The following GUCY2C variants were observed in gnomAD, a reference collection of about 807,000 sequenced individuals.
GUCY2C encodes guanylate cyclase 2C.
Under a neutral mutation model 131.1 loss-of-function variants are expected in GUCY2C, and 118 were observed. The ratio of observed to expected loss-of-function variants is 0.90; its 90% CI spans 0.78 to 1.05. GUCY2C has a LOEUF of 1.05. Among genes scored for constraint, GUCY2C ranks in the 50% least tolerant of loss-of-function variants. The probability of loss-of-function intolerance (pLI) is 0.00; values close to 1 mark genes in which losing one functional copy is unlikely to be tolerated. For synonymous variants in GUCY2C, 452 were observed against 457.8 expected (o/e 0.99, Z 0.16); for missense variants, 1,161 against 1,304.4 (o/e 0.89, Z 1.69).
intron 12 of GUCY2C, 73 bp downstream of exon 12, chr12:14,656,439 T>C (rs1947764708): frequency 2.6e-6 from 2 of 757,852 alleles, no homozygotes; most frequent in Non-Finnish European, 4.8e-6. Flanking sequence ...GCACATATCC[T>C]GCAATGCTAC....
In GUCY2C at chr12:14,669,808, G is replaced by T. The variant is rs1159423242; in HGVS notation, c.1196C>A (p.Thr399Asn). 1 of 1,586,076 alleles carries T rather than the reference G, an allele frequency of 6.3e-7. No individual in the cohort carries two copies. Among genetic ancestry groups the T allele is most frequent in the Non-Finnish European group, 8.6e-7 (1 of 1,158,224 alleles). ...KKYKVLLTYD[T>N]HVNKTYPVDM... ...CACAGGATAGGTCTTATTTACGTGG[G>T]TATCATAGGTCAAAAGAACCTTGTA... is the stretch of plus-strand genomic sequence containing the variant. The change falls in exon 10 of 27, where the codon ACC becomes AAC. Residue 399 changes from threonine to asparagine, a missense_variant. Physicochemically the swap from Thr to Asn is moderately conservative, Grantham distance 65. Coordinates refer to ENST00000261170, the MANE Select transcript of GUCY2C (RefSeq NM_004963.4).
At chr12:14,693,514 G>A (rs1042886883) in intron 1 of GUCY2C, among the ~76,000 whole-genome samples, 1 of 151,912 alleles carries the variant, frequency 6.6e-6, no homozygotes, top group African/African-American at 2.4e-5. Flanking sequence ...CACATATAAC[G>A]CTTGAACTTT....
At chr12:14,668,045 C>T (rs1948019788) in intron 10 of GUCY2C, among the ~76,000 whole-genome samples, 1 of 142,464 alleles carries the variant, frequency 7.0e-6, no homozygotes, top group Non-Finnish European at 1.5e-5. Context: ...GCTCTGTCAT[C>T]CAGGCTGGAG....
chr12:14,630,976 G>A (rs946782467), intron 19 of GUCY2C, among the ~76,000 whole-genome samples: 1 of 152,130 alleles, frequency 6.6e-6, no homozygotes, highest in African/African-American at 2.4e-5. Flanking sequence ...CGGAAAAGCA[G>A]GACGAAAGAA....
At chr12:14,658,433 T>A (rs1158141442) in intron 11 of GUCY2C, among the ~76,000 whole-genome samples, 1 of 152,214 alleles carries the variant, frequency 6.6e-6, no homozygotes, top group East Asian at 1.9e-4. Context: ...TCCCAGTACA[T>A]TGGGAGGCCA....
chr12:14,615,210 C>T (rs1356151449), intron 25 of GUCY2C, among the ~76,000 whole-genome samples: 1 of 152,064 alleles, frequency 6.6e-6, no homozygotes, highest in Non-Finnish European at 1.5e-5. Context: ...CCCCAAAAGA[C>T]ATTTTAAAAT....
chr12:14,695,805 A>G (rs1948645708), intron 1 of GUCY2C, among the ~76,000 whole-genome samples: 1 of 152,036 alleles, frequency 6.6e-6, no homozygotes, highest in African/African-American at 2.4e-5. Flanking sequence ...GAACCGGGCA[A>G]TAAACTGAGT....
intron 13 of GUCY2C, 126 bp from the exon 14 acceptor site, chr12:14,652,156 A>ATT: frequency 8.7e-6 from 2 of 228,732 alleles, no homozygotes; most frequent in Non-Finnish European, 8.0e-6. Flanking sequence ...TATTTGATTG[A>ATT]TTTTTTATAT....
chr12:14,621,344 C>T, intron 22 of GUCY2C, 128 bp from the exon 23 acceptor site: 1 of 777,432 alleles, frequency 1.3e-6, no homozygotes, highest in Non-Finnish European at 2.1e-6. Flanking sequence ...GCCCTTTACA[C>T]TTTTTCTGGG....
intron 19 of GUCY2C, among the ~76,000 whole-genome samples, chr12:14,634,464 C>T (rs1947218422): frequency 6.6e-6 from 1 of 152,096 alleles, no homozygotes; most frequent in Non-Finnish European, 1.5e-5. Context: ...ACTAGTAAAG[C>T]AATCACACAA....
At chr12:14,626,657 G>T (rs1475067924) in intron 20 of GUCY2C, among the ~76,000 whole-genome samples, 3 of 151,886 alleles carry the variant, frequency 2.0e-5, no homozygotes, top group Non-Finnish European at 4.4e-5. Flanking sequence ...AAATATGATG[G>T]GACAATGGAA....
chr12:14,645,840 T>G (rs966988973), intron 15 of GUCY2C, among the ~76,000 whole-genome samples: 35 of 152,036 alleles, frequency 2.3e-4, no homozygotes, highest in South Asian at 4.1e-4. Flanking sequence ...TTTTTTTTGT[T>G]TTGTTTTGTT....
intron 21 of GUCY2C, among the ~76,000 whole-genome samples, chr12:14,623,837 C>T (rs942386080): frequency 2.0e-5 from 3 of 152,156 alleles, no homozygotes; most frequent in African/African-American, 7.2e-5. Flanking sequence ...CTTGCTTCCC[C>T]TTCACTCTTC....
chr12:14,640,747 T>C (rs1284120219), intron 18 of GUCY2C, among the ~76,000 whole-genome samples: 2 of 152,208 alleles, frequency 1.3e-5, no homozygotes, highest in Non-Finnish European at 2.9e-5. Flanking sequence ...AACTAAAATA[T>C]GTATGTCATC....
At chr12:14,615,638 T>C (rs902618582) in intron 25 of GUCY2C, among the ~76,000 whole-genome samples, 2 of 149,400 alleles carry the variant, frequency 1.3e-5, no homozygotes, top group Admixed American at 1.3e-4. Context: ...GATTGATATA[T>C]ATATATATAT....
At chr12:14,640,157 G>A (rs1405609946) in intron 18 of GUCY2C, among the ~76,000 whole-genome samples, 1 of 152,090 alleles carries the variant, frequency 6.6e-6, no homozygotes. Context: ...ATAACCAGAA[G>A]GTTACCTTAA....
intron 10 of GUCY2C, among the ~76,000 whole-genome samples, chr12:14,663,629 G>A (rs7310891): frequency 0.82 from 125,456 of 152,160 alleles, 56,597 homozygotes; most frequent in East Asian, 0.99. Context: ...TAGGTGCCCC[G>A]AAAATGAGGT....
intron 16 of GUCY2C, 67 bp downstream of exon 16, chr12:14,645,162 G>T: frequency 1.2e-6 from 1 of 854,582 alleles, no homozygotes. Context: ...ACAGAAGGTT[G>T]AATAACTTGT....
Position 14,679,791 on chromosome 12 carries a change from C to T in GUCY2C, c.734-38G>A, listed in dbSNP as rs1406432412. 5 of 1,035,566 alleles carry T rather than the reference C, an allele frequency of 4.8e-6. No homozygotes were observed. In the Admixed American group the frequency reaches 6.8e-5, roughly 14 times the overall value. The allele number at this position is 1,035,566 out of a possible 1,614,324, so 64.1% of individuals were successfully genotyped here. ...GTAAGACAAGGAGAGAAATATATGA[C>T]AGTCTACAGACAAACAGGCAGGGAA... On this transcript the variant is annotated intron_variant, in intron 5 of 26. Coordinates refer to ENST00000261170, the MANE Select transcript of GUCY2C (RefSeq NM_004963.4).
Sources: allele counts gnomAD v4.1 joint callset (sites outside exome capture counted in the v4.1 genomes callset), GRCh38; gene constraint gnomAD v4.1.1; transcripts MANE v1.5; gene names NCBI Gene and HGNC (gene_info 2026-07-23, HGNC 2026-07-21).